AMOT: variants seen among roughly 807,000 people sequenced by gnomAD.
AMOT encodes the protein angiomotin.
A neutral mutation model predicts 67.0 loss-of-function variants in AMOT; 11 were observed. The observed-to-expected ratio is 0.16, with a 90% confidence interval of 0.10 to 0.27. The LOEUF (loss-of-function observed/expected upper bound fraction) is 0.27. Among genes scored for constraint, AMOT ranks in the 10% least tolerant of loss-of-function variants. The pLI, the probability that AMOT is intolerant of heterozygous loss-of-function variation, is 1.00. For missense variants in AMOT, 753 were observed against 852.0 expected (o/e 0.88, Z 1.45); for synonymous variants, 326 against 321.4 (o/e 1.01, Z -0.15).
intron 4 of AMOT, among the ~76,000 whole-genome samples, chrX:112,821,723 T>G (rs976030836): frequency 3.6e-5 from 4 of 111,847 alleles, no homozygotes; most frequent in Non-Finnish European, 5.6e-5. Context: ...CATACATACA[T>G]AGCTCCCCCA....
chrX:112,820,132 A>T (rs143307351), intron 4 of AMOT, among the ~76,000 whole-genome samples: 1,563 of 112,104 alleles, frequency 0.014, 33 homozygotes, highest in African/African-American at 0.047. Flanking sequence ...CCCAAATTTC[A>T]TATGGAGCAT....
chrX:112,839,691 G>T (rs1384113476), intron 1 of AMOT, among the ~76,000 whole-genome samples: 1 of 111,101 alleles, frequency 9.0e-6, no homozygotes, highest in Non-Finnish European at 1.9e-5. Flanking sequence ...ACCAGGAACT[G>T]CTCACAGTCT....
chrX:112,798,332 C>T (rs1406140951), intron 8 of AMOT, among the ~76,000 whole-genome samples: 1 of 112,482 alleles, frequency 8.9e-6, no homozygotes, highest in Non-Finnish European at 1.9e-5. Context: ...CTCTATTAAG[C>T]AGTCATTTTT....
chrX:112,840,639 G>A lies in AMOT; in HGVS notation c.-476C>T, dbSNP rs1053692431. 2 of 113,376 alleles carry A rather than the reference G, an allele frequency of 1.8e-5. No homozygotes were observed. The highest frequency in any genetic ancestry group is 6.4e-5 in the African/African-American group (2 of 31,178). The allele number at this position is 113,376 out of a possible 1,213,427, so 9.3% of individuals were successfully genotyped here. On this transcript the variant is annotated 5_prime_UTR_variant, in exon 1 of 14. Coordinates refer to ENST00000371959, the MANE Select transcript of AMOT (RefSeq NM_001113490.2). ...TACCGGGCCAGAGGGTGGAGCAGCG[G>A]ATAGCCGGAGGCGAGACTGACTGGA...
chrX:112,819,416 C>T, intron 4 of AMOT: 5 of 754,126 alleles, frequency 6.6e-6, no homozygotes, highest in Non-Finnish European at 7.8e-6. Flanking sequence ...GTTTCTCTTG[C>T]ACAACCAGCT....
intron 4 of AMOT, among the ~76,000 whole-genome samples, chrX:112,818,591 G>C (rs900044110): frequency 1.8e-5 from 2 of 111,383 alleles, no homozygotes; most frequent in African/African-American, 6.5e-5. Flanking sequence ...AACTCAATCT[G>C]GGCTCCAGCA....
intron 10 of AMOT, among the ~76,000 whole-genome samples, chrX:112,784,851 G>A (rs755577548): frequency 8.9e-6 from 1 of 112,179 alleles, no homozygotes; most frequent in East Asian, 2.8e-4. Context: ...CATACGGTTT[G>A]TCACTGGGGG....
chrX:112,814,441 G>A (rs1380289754), intron 5 of AMOT, among the ~76,000 whole-genome samples: 5 of 110,700 alleles, frequency 4.5e-5, no homozygotes, highest in African/African-American at 1.6e-4. Flanking sequence ...GACAATACAA[G>A]GCATCCTCCT....
chrX:112,815,684 A>C lies in AMOT; in HGVS notation c.1066T>G (p.Phe356Val). 8.5e-7 allele frequency: 1 copy of C among 1,172,163 alleles called. No homozygotes were observed. Among genetic ancestry groups the C allele is most frequent in the Non-Finnish European group, 1.1e-6 (1 of 875,970 alleles). The change falls in exon 5 of 14, where the codon TTC (phenylalanine) becomes GTC (valine). Residue 356 changes from phenylalanine to valine, a missense_variant. Coordinates refer to ENST00000371959, the MANE Select transcript of AMOT (RefSeq NM_001113490.2). ...SAHLPRPQQH[F>V]LPNQAHQGDH... is the part of the protein sequence containing the mutation. The stretch of plus-strand genomic sequence containing the variant: ...CCCTGGTGAGCCTGATTAGGAAGGA[A>C]ATGCTGCTGCGGCCTAGGCAGGTGA...
chrX:112,826,822 C>T (rs1025586324), intron 2 of AMOT, among the ~76,000 whole-genome samples: 2 of 111,929 alleles, frequency 1.8e-5, no homozygotes, highest in African/African-American at 6.5e-5. Flanking sequence ...AGGTCTTACT[C>T]TCTTCTCTCA....
intron 8 of AMOT, among the ~76,000 whole-genome samples, chrX:112,801,117 C>T (rs1274648981): frequency 1.8e-5 from 2 of 111,607 alleles, no homozygotes; most frequent in East Asian, 2.8e-4. Context: ...GCTTCCACTC[C>T]GGATCATCAT....
At chrX:112,830,680 G>T (rs1206394959) in intron 2 of AMOT, among the ~76,000 whole-genome samples, 1 of 112,181 alleles carries the variant, frequency 8.9e-6, no homozygotes, top group Non-Finnish European at 1.9e-5. Context: ...TATCCCAGTG[G>T]CTTGCGAAAT....
In AMOT at chrX:112,815,497, G is replaced by A. The variant is rs1423690830; in HGVS notation, c.1253C>T (p.Ala418Val). Reference protein sequence around the residue: ...SAMPRAQPSSASYQPVPADPF... With the variant: ...SAMPRAQPSSVSYQPVPADPF... Reference sequence around the variant, plus strand: ...GTCTGCTGGCACTGGCTGATAAGAAGCAGAGGATGGCTGAGCCCGAGGCAT... The same window carrying A: ...GTCTGCTGGCACTGGCTGATAAGAAACAGAGGATGGCTGAGCCCGAGGCAT... The change falls in exon 5 of 14, where the codon GCT becomes GTT. Residue 418 changes from alanine to valine, a missense_variant. This residue lies in a region of AMOT where 297 missense variants were observed against 284.3 expected (regional missense o/e 1.04). Transcript: ENST00000371959. 3 of 1,211,581 alleles carry A rather than the reference G, an allele frequency of 2.5e-6. No individual in the cohort carries two copies. The East Asian group carries it at 8.9e-5, about 36-fold the overall frequency.
chrX:112,814,185 C>T (rs1211312220), intron 5 of AMOT, among the ~76,000 whole-genome samples: 5 of 109,567 alleles, frequency 4.6e-5, no homozygotes, highest in Admixed American at 3.9e-4. Context: ...GGCAGGAGAA[C>T]TGCTTGAACC....
chrX:112,778,815 C>T lies in AMOT; in HGVS notation c.3158-151G>A, dbSNP rs746012330. On this transcript the variant is annotated intron_variant, in intron 13 of 13. Coordinates refer to ENST00000371959, the MANE Select transcript of AMOT (RefSeq NM_001113490.2). ...TTTACTTCTGCTAAGATAATGGCCT[C>T]TACTCATGCCTGTTCCCATCTTGGT... 4 of 682,858 alleles carry T rather than the reference C, an allele frequency of 5.9e-6. No individual in the cohort carries two copies. The South Asian group carries it at 1.1e-4, about 20-fold the overall frequency. The allele number at this position is 682,858 out of a possible 1,213,427, so 56.3% of individuals were successfully genotyped here.
chrX:112,828,102 G>C, intron 2 of AMOT, among the ~76,000 whole-genome samples: 3 of 110,761 alleles, frequency 2.7e-5, no homozygotes, highest in Non-Finnish European at 5.7e-5. Context: ...CTCTCAGGTT[G>C]GTCCATATTG....
intron 7 of AMOT, among the ~76,000 whole-genome samples, chrX:112,807,372 G>C (rs1246133962): frequency 1.8e-5 from 2 of 109,178 alleles, no homozygotes; most frequent in Non-Finnish European, 3.8e-5. Context: ...CATACATCAG[G>C]TCTGCCATTT....
intron 11 of AMOT, 124 bp from the exon 12 acceptor site, chrX:112,781,242 C>G: frequency 1.7e-6 from 1 of 580,240 alleles, no homozygotes; most frequent in Non-Finnish European, 2.7e-6. Context: ...GAGTTCGAGA[C>G]CAGCCTGGCC....
intron 10 of AMOT, among the ~76,000 whole-genome samples, chrX:112,782,922 G>C (rs1432860535): frequency 1.8e-5 from 2 of 111,532 alleles, no homozygotes; most frequent in Admixed American, 1.9e-4. Context: ...CTTGCCTTCA[G>C]AACTGAACAG....
Sources: allele counts gnomAD v4.1 joint callset (sites outside exome capture counted in the v4.1 genomes callset), GRCh38; gene constraint gnomAD v4.1.1; regional missense constraint gnomAD v4.1.1; transcripts MANE v1.5; gene names NCBI Gene and HGNC (gene_info 2026-07-23, HGNC 2026-07-21).